RBFOX1: variants seen among roughly 807,000 people sequenced by gnomAD.
The protein encoded by RBFOX1 is RNA binding fox-1 homolog 1.
Under a neutral mutation model 57.7 loss-of-function variants are expected in RBFOX1, and 8 were observed. The observed-to-expected ratio is 0.14, with a 90% CI of 0.08 to 0.25. The LOEUF (loss-of-function observed/expected upper bound fraction) is 0.25. Ranked by LOEUF, RBFOX1 falls within the 10% of genes least tolerant of loss-of-function variation. The probability of loss-of-function intolerance (pLI) is 1.00; values close to 1 mark genes in which losing one functional copy is unlikely to be tolerated. For missense variants in RBFOX1, 611 were observed against 548.5 expected, an observed-to-expected ratio of 1.11 and a Z score of -1.14; for synonymous variants, 326 against 222.4, an observed-to-expected ratio of 1.47 and a Z score of -4.15.
intron 11 of RBFOX1, among the ~76,000 whole-genome samples, chr16:7,643,716 G>T (rs189561452): frequency 1.3e-5 from 2 of 152,290 alleles, no homozygotes; most frequent in Admixed American, 1.3e-4. Flanking sequence ...AGTGGCAAAG[G>T]GAAACAGCCT....
chr16:6,283,238 G>T (rs1355987719), intron 1 of RBFOX1, among the ~76,000 whole-genome samples: 2 of 152,078 alleles, frequency 1.3e-5, no homozygotes, highest in African/African-American at 2.4e-5. Flanking sequence ...GAGGTGGGAG[G>T]ATCGCTTGAA....
intron 4 of RBFOX1, among the ~76,000 whole-genome samples, chr16:7,233,053 T>C (rs532952736): frequency 2.6e-5 from 4 of 152,268 alleles, no homozygotes; most frequent in African/African-American, 9.6e-5. Context: ...CCCTTTTGCT[T>C]GCTCTTGATG....
chr16:5,521,775 C>G (rs1247601132), intron 2 of RBFOX1, among the ~76,000 whole-genome samples: 1 of 152,220 alleles, frequency 6.6e-6, no homozygotes, highest in Non-Finnish European at 1.5e-5. Flanking sequence ...CATCTCATTT[C>G]AAACTGCACT....
intron 4 of RBFOX1, among the ~76,000 whole-genome samples, chr16:7,303,457 C>G (rs1316466292): frequency 6.6e-6 from 1 of 152,254 alleles, no homozygotes; most frequent in African/African-American, 2.4e-5. Flanking sequence ...GGCCATCGCG[C>G]TAATTGTCCA....
intron 3 of RBFOX1, among the ~76,000 whole-genome samples, chr16:6,961,461 G>A (rs770426813): frequency 5.9e-5 from 9 of 152,184 alleles, no homozygotes; most frequent in South Asian, 2.1e-4. Flanking sequence ...AAGGGGTCCC[G>A]ATCAAGATCC....
At chr16:6,633,971 C>T (rs569011241) in intron 2 of RBFOX1, among the ~76,000 whole-genome samples, 1 of 152,266 alleles carries the variant, frequency 6.6e-6, no homozygotes, top group East Asian at 1.9e-4. Context: ...GCGATGACCG[C>T]ACTACTGCTG....
At chr16:6,112,925 ATTG>A (rs2096461834) in intron 1 of RBFOX1, among the ~76,000 whole-genome samples, 2 of 152,142 alleles carry the variant, frequency 1.3e-5, no homozygotes, top group South Asian at 4.1e-4. Context: ...TCTCCTGTTT[ATTG>A]TTTGCATTTT....
intron 2 of RBFOX1, among the ~76,000 whole-genome samples, chr16:6,626,954 CTA>C (rs1315789044): frequency 2.0e-5 from 3 of 152,228 alleles, no homozygotes; most frequent in African/African-American, 7.2e-5. Context: ...TAAATACAAA[CTA>C]TTATTATCCT....
chr16:6,851,134 A>G (rs1361804683), intron 3 of RBFOX1, among the ~76,000 whole-genome samples: 1 of 152,182 alleles, frequency 6.6e-6, no homozygotes, highest in East Asian at 1.9e-4. Flanking sequence ...AAAAAAGCCC[A>G]TTTCTAAATC....
intron 3 of RBFOX1, among the ~76,000 whole-genome samples, chr16:6,966,805 G>GTCTGTCTC (rs2084308767): frequency 6.7e-6 from 1 of 149,906 alleles, no homozygotes; most frequent in Admixed American, 6.6e-5. Flanking sequence ...CTGTCTGTCT[G>GTCTGTCTC]TCTGTCTGTC....
At chr16:6,682,365 C>G (rs1360890965) in intron 3 of RBFOX1, among the ~76,000 whole-genome samples, 1 of 152,076 alleles carries the variant, frequency 6.6e-6, no homozygotes, top group Non-Finnish European at 1.5e-5. Flanking sequence ...TTGCTGCCAT[C>G]AGGCTTCGAA....
chr16:7,014,985 A>T (rs947862639), intron 3 of RBFOX1, among the ~76,000 whole-genome samples: 2 of 152,086 alleles, frequency 1.3e-5, no homozygotes, highest in Admixed American at 1.3e-4. Flanking sequence ...GGACCTCCCA[A>T]AGGGCTGGAA....
intron 1 of RBFOX1, among the ~76,000 whole-genome samples, chr16:6,063,123 G>T (rs1321533961): frequency 6.6e-6 from 1 of 151,998 alleles, no homozygotes. Flanking sequence ...CAAACAACGG[G>T]ACACCACCAC....
chr16:6,547,262 G>C (rs968145953), intron 2 of RBFOX1, among the ~76,000 whole-genome samples: 11 of 152,060 alleles, frequency 7.2e-5, no homozygotes, highest in African/African-American at 2.2e-4. Flanking sequence ...TTCTTCCTGG[G>C]AATCATTACC....
chr16:7,222,245 A>G (rs2152856864), intron 4 of RBFOX1, among the ~76,000 whole-genome samples: 1 of 152,302 alleles, frequency 6.6e-6, no homozygotes, highest in South Asian at 2.1e-4. Context: ...GCTCTTGTTT[A>G]CTTTACATGA....
chr16:6,994,104 G>T (rs1028974777), intron 3 of RBFOX1, among the ~76,000 whole-genome samples: 2 of 152,138 alleles, frequency 1.3e-5, no homozygotes, highest in African/African-American at 4.8e-5. Context: ...CTGTTGAAAT[G>T]ATATCTGCCC....
chr16:6,972,063 CA>C (rs937696377), intron 3 of RBFOX1, among the ~76,000 whole-genome samples: 1 of 152,122 alleles, frequency 6.6e-6, no homozygotes, highest in African/African-American at 2.4e-5. Flanking sequence ...GTTTCCTTAA[CA>C]AAGAGATATA....
intron 2 of RBFOX1, among the ~76,000 whole-genome samples, chr16:6,548,107 A>G (rs1182113785): frequency 6.6e-6 from 1 of 152,244 alleles, no homozygotes; most frequent in Non-Finnish European, 1.5e-5. Flanking sequence ...CACATATTTC[A>G]CATACTGAAG....
Position 7,106,365 on chromosome 16 carries a change from A to G in RBFOX1, c.27+54267A>G, listed in dbSNP as rs1349410710. Among the ~76,000 whole-genome samples the G allele has an allele frequency of 3.3e-5, 5 of 152,182 alleles. No homozygotes were observed. The South Asian group carries it at 1.0e-3, about 32-fold the overall frequency. On this transcript the variant is annotated intron_variant, in intron 4 of 15. Transcript: ENST00000550418. Reference sequence around the variant, plus strand: ...ATGGTGAAGCTAGTTGAGAATTGGCAAATGGAGTCAGATTGAAAAATATTT... The same window carrying G: ...ATGGTGAAGCTAGTTGAGAATTGGCGAATGGAGTCAGATTGAAAAATATTT...
Sources: allele counts gnomAD v4.1 joint callset (sites outside exome capture counted in the v4.1 genomes callset), GRCh38; gene constraint gnomAD v4.1.1; transcripts MANE v1.5; gene names NCBI Gene and HGNC (gene_info 2026-07-23, HGNC 2026-07-21).